ABI3BP: variants seen among roughly 807,000 people sequenced by gnomAD.
The protein encoded by ABI3BP is ABI family member 3 binding protein.
In ABI3BP, 216 loss-of-function variants were observed where a neutral mutation model predicts 268.6. The ratio of observed to expected loss-of-function variants is 0.80; its 90% CI spans 0.72 to 0.90. ABI3BP has a LOEUF of 0.90. Ranked by LOEUF, ABI3BP falls within the 40% of genes least tolerant of loss-of-function variation. The pLI, the probability that ABI3BP is intolerant of heterozygous loss-of-function variation, is 0.00. For synonymous variants in ABI3BP, 730 were observed against 730.0 expected (o/e 1.00, Z 0.00); for missense variants, 2,090 against 2,182.4 (o/e 0.96, Z 0.84).
intron 6 of ABI3BP, among the ~76,000 whole-genome samples, chr3:100,879,775 T>C (rs569127271): frequency 6.6e-6 from 1 of 152,310 alleles, no homozygotes; most frequent in East Asian, 1.9e-4. Flanking sequence ...AATGCTCTCC[T>C]GCTTAATCCA....
Position 100,750,290 on chromosome 3 carries a change from C to A in ABI3BP, c.*205G>T. 2.2e-6 allele frequency: 1 copy of A among 445,260 alleles called. No homozygotes were observed. The highest frequency in any genetic ancestry group is 4.2e-5 in the South Asian group (1 of 23,830). 27.6% of individuals were successfully genotyped at this position (445,260 alleles called of 1,614,324 possible). A position where few individuals can be genotyped will look rare whatever the true frequency, so the allele number is the denominator to read the frequency against. On this transcript the variant is annotated 3_prime_UTR_variant, in exon 68 of 68. Transcript: ENST00000471714. ...CCCAAAAATGTTATTCTGTTAACAT[C>A]AGTATCTTGCTTTCTTAAAATGACT... is the stretch of plus-strand genomic sequence containing the variant.
At position 100,911,965 on chromosome 3, in the gene ABI3BP, A is replaced by T. The variant is rs186836438; in HGVS notation, c.260-9279T>A. On this transcript the variant is annotated intron_variant, in intron 2 of 67. Coordinates refer to ENST00000471714, the MANE Select transcript of ABI3BP (RefSeq NM_001375547.2). Reference sequence around the variant, plus strand: ...GCTTGCTCATTTACTTCACTTGAGGAATTATAAAAGCTAAAAAAAGCATGG... The same window carrying T: ...GCTTGCTCATTTACTTCACTTGAGGTATTATAAAAGCTAAAAAAAGCATGG... 7 of 907,616 alleles carry T rather than the reference A, an allele frequency of 7.7e-6. No homozygotes were observed. The East Asian group carries it at 1.7e-4, about 22-fold the overall frequency. The allele number at this position is 907,616 out of a possible 1,614,324, so 56.2% of individuals were successfully genotyped here.
At chr3:100,884,338 T>C (rs2040868601) in intron 6 of ABI3BP, among the ~76,000 whole-genome samples, 1 of 152,124 alleles carries the variant, frequency 6.6e-6, no homozygotes, top group African/African-American at 2.4e-5. Flanking sequence ...TTTGTATTTA[T>C]ATCTGAAATA....
At chr3:100,917,205 T>C (rs2058871003) in intron 2 of ABI3BP, among the ~76,000 whole-genome samples, 1 of 152,154 alleles carries the variant, frequency 6.6e-6, no homozygotes. Flanking sequence ...GCTCTGGTCC[T>C]CAGGAGCTTA....
intron 1 of ABI3BP, among the ~76,000 whole-genome samples, chr3:100,944,294 A>G (rs1291113797): frequency 6.6e-6 from 1 of 152,170 alleles, no homozygotes; most frequent in African/African-American, 2.4e-5. Context: ...ATATCATTTA[A>G]ATTAATATTA....
chr3:100,831,920 A>G (rs2098501416), intron 31 of ABI3BP, among the ~76,000 whole-genome samples: 1 of 152,228 alleles, frequency 6.6e-6, no homozygotes, highest in Admixed American at 6.5e-5. Flanking sequence ...GAAAGAAAAC[A>G]TTCTTCCCAC....
At chr3:100,816,502 C>A in intron 43 of ABI3BP, 186 bp downstream of exon 43, 1 of 676,244 alleles carries the variant, frequency 1.5e-6, no homozygotes, top group Admixed American at 2.1e-5. Context: ...ACACAAGTGG[C>A]TCCAAGCCAT....
intron 1 of ABI3BP, among the ~76,000 whole-genome samples, chr3:100,947,771 A>G (rs1584537929): frequency 6.6e-6 from 1 of 152,164 alleles, no homozygotes; most frequent in African/African-American, 2.4e-5. Context: ...AGCAAAAACT[A>G]TGAAGCTGAG....
intron 3 of ABI3BP, among the ~76,000 whole-genome samples, chr3:100,902,115 C>A (rs1391758436): frequency 6.6e-6 from 1 of 152,122 alleles, no homozygotes; most frequent in Admixed American, 6.5e-5. Flanking sequence ...TAAATAAAAC[C>A]TACATGCTGA....
intron 1 of ABI3BP, among the ~76,000 whole-genome samples, chr3:100,976,330 C>T (rs1272993052): frequency 6.6e-6 from 1 of 152,024 alleles, no homozygotes; most frequent in Non-Finnish European, 1.5e-5. Flanking sequence ...TTTGATAAAA[C>T]ACTTCTGGAA....
At chr3:100,773,462 G>A (rs1379787565) in intron 61 of ABI3BP, among the ~76,000 whole-genome samples, 1 of 152,162 alleles carries the variant, frequency 6.6e-6, no homozygotes. Context: ...CATAACAAAT[G>A]TTGGTGAGGA....
intron 6 of ABI3BP, among the ~76,000 whole-genome samples, chr3:100,882,661 A>C (rs1015925183): frequency 4.6e-5 from 7 of 152,020 alleles, no homozygotes; most frequent in African/African-American, 1.7e-4. Context: ...GTTGCTTCCT[A>C]GCCCTTCCTA....
rs774386808 is a variant in ABI3BP at position 100,805,820 on chromosome 3, A to G, written c.3683-954T>C. Among the ~76,000 whole-genome samples, 79 of 152,210 alleles carry G rather than the reference A, an allele frequency of 5.2e-4. 1 individual carries two copies. The highest frequency in any genetic ancestry group is 7.9e-4 in the Admixed American group (12 of 15,258). On this transcript the variant is annotated intron_variant, in intron 50 of 67. Transcript: ENST00000471714. ...ACCTGCCCTAACTCAAGATATGGTT[A>G]TAAGAATCCAATGTGAAATGTCAAA...
chr3:100,861,983 T>C (rs537469532), intron 14 of ABI3BP, among the ~76,000 whole-genome samples: 122 of 152,336 alleles, frequency 8.0e-4, no homozygotes, highest in African/African-American at 2.8e-3. Context: ...TACTGTTAAA[T>C]CAGACCCATG....
intron 63 of ABI3BP, among the ~76,000 whole-genome samples, 162 bp downstream of exon 63, chr3:100,765,679 C>T (rs1232988893): frequency 6.6e-6 from 1 of 152,186 alleles, no homozygotes; most frequent in Admixed American, 6.5e-5. Context: ...ATTTGCAAAA[C>T]ATGACTCCAG....
At position 100,795,869 on chromosome 3, in the gene ABI3BP, C is replaced by A; in HGVS notation, c.3818-18G>T. On this transcript the variant is annotated intron_variant, in intron 52 of 67. Coordinates refer to ENST00000471714, the MANE Select transcript of ABI3BP (RefSeq NM_001375547.2). ...CTGCAGAACTATGCCAAAAGCAAGCCAAAGGAACATATTTATGAGAATTAC... is the reference window on the plus strand; with the variant it reads ...CTGCAGAACTATGCCAAAAGCAAGCAAAAGGAACATATTTATGAGAATTAC... 7.8e-7 allele frequency: 1 copy of A among 1,279,452 alleles called. No homozygotes were observed. Among genetic ancestry groups the A allele is most frequent in the Non-Finnish European group, 1.0e-6 (1 of 985,514 alleles). The allele number at this position is 1,279,452 out of a possible 1,614,324, so 79.3% of individuals were successfully genotyped here.
rs2152638145 is a variant in ABI3BP, at chr3:100,820,287, T to C, written c.2964A>G (p.Gln988=). ...TTTTGGGACGTGGACGACGAGTTCG[T>C]TGTGATGTTTTAGGAGCTGAAGAAA... ...WVTTQAPKTS[Q]RTRRPRPKTK... is the part of the protein sequence containing the mutation. Residue 988 remains glutamine (Q), a synonymous_variant, in exon 40 of 68, where the codon CAA becomes CAG. Transcript: ENST00000471714. 6.5e-7 allele frequency: 1 copy of C among 1,535,946 alleles called. No individual in the cohort carries two copies. The highest frequency in any genetic ancestry group is 8.7e-7 in the Non-Finnish European group (1 of 1,146,720).
chr3:100,797,887 C>CAA (rs1241222832), intron 51 of ABI3BP, among the ~76,000 whole-genome samples: 2 of 151,926 alleles, frequency 1.3e-5, no homozygotes, highest in African/African-American at 2.4e-5. Flanking sequence ...AAGCCCACCA[C>CAA]AATAGTGAAC....
At chr3:100,753,962 G>C in intron 64 of ABI3BP, 114 bp from the exon 65 acceptor site, 1 of 1,075,764 alleles carries the variant, frequency 9.3e-7, no homozygotes, top group Non-Finnish European at 1.4e-6. Context: ...TTTGCAAAAT[G>C]GTACTCTTTT....
Sources: allele counts gnomAD v4.1 joint callset (sites outside exome capture counted in the v4.1 genomes callset), GRCh38; gene constraint gnomAD v4.1.1; transcripts MANE v1.5; gene names NCBI Gene and HGNC (gene_info 2026-07-23, HGNC 2026-07-21).